Variants in SMOC1 observed in about 807,000 individuals in gnomAD.
SMOC1 encodes SPARC-related modular calcium-binding protein 1.
In SMOC1, 22 loss-of-function variants were observed where a neutral mutation model predicts 56.3. That is an observed-to-expected ratio of 0.39 (90% CI 0.28 to 0.56). SMOC1 has a LOEUF of 0.56. Among genes scored for constraint, SMOC1 ranks in the 20% least tolerant of loss-of-function variants. SMOC1 has a pLI of 0.61. For synonymous variants in SMOC1, 193 were observed against 215.0 expected (o/e 0.90, Z 0.89); for missense variants, 509 against 565.4 (o/e 0.90, Z 1.01).
intron 5 of SMOC1, among the ~76,000 whole-genome samples, chr14:69,986,991 C>T (rs1462264975): frequency 7.2e-5 from 11 of 152,210 alleles, no homozygotes; most frequent in African/African-American, 2.4e-4. Context: ...TTGAGGTGGC[C>T]TAGCATTCCA....
intron 5 of SMOC1, among the ~76,000 whole-genome samples, chr14:69,980,215 T>C (rs544813494): frequency 1.3e-5 from 2 of 152,280 alleles, no homozygotes; most frequent in Middle Eastern, 3.4e-3. Context: ...GCCTGGTTCC[T>C]CCAGGGGCGA....
intron 1 of SMOC1, among the ~76,000 whole-genome samples, chr14:69,920,445 G>A (rs1026248911): frequency 6.6e-6 from 1 of 152,170 alleles, no homozygotes; most frequent in African/African-American, 2.4e-5. Context: ...GAACTAGGAC[G>A]TAGAATCATA....
At position 69,962,512 on chromosome 14, in the gene SMOC1, T is replaced by C. The variant is rs376202090; in HGVS notation, c.378+8980T>C. Among the ~76,000 whole-genome samples, 4 of 152,104 alleles carry C rather than the reference T, an allele frequency of 2.6e-5. No individual in the cohort carries two copies. In the East Asian group the frequency reaches 5.8e-4, roughly 22 times the overall value. ...TTCACAAATATTTTCTCCCATCCTG[T>C]GGGTTCTTTTTACGTTCTCAATAAT... On this transcript the variant is annotated intron_variant, in intron 3 of 11. Coordinates refer to ENST00000361956, the MANE Select transcript of SMOC1 (RefSeq NM_001034852.3).
At position 70,010,935 on chromosome 14, in the gene SMOC1, G is replaced by T. The variant is rs760789274; in HGVS notation, c.846G>T (p.Gly282=). 16 of 1,612,522 alleles carry T rather than the reference G, an allele frequency of 9.9e-6. No homozygotes were observed. Among genetic ancestry groups the T allele is most frequent in the Non-Finnish European group, 1.4e-5 (16 of 1,180,002 alleles). ...VLVDTGRPLP[G]TSTRYVMPSC... Reference sequence around the variant, plus strand: ...TGGACACAGGGCGCCCGCTGCCTGGGACCTCCACACGGTAAGCCCCCCAGA... The same window carrying T: ...TGGACACAGGGCGCCCGCTGCCTGGTACCTCCACACGGTAAGCCCCCCAGA... Residue 282 remains glycine (G), a synonymous_variant, in exon 8 of 12, where the codon GGG becomes GGT. Transcript: ENST00000361956.
intron 1 of SMOC1, among the ~76,000 whole-genome samples, chr14:69,923,030 C>T (rs1299652265): frequency 4.6e-5 from 7 of 151,718 alleles, no homozygotes; most frequent in Admixed American, 1.3e-4. Flanking sequence ...CTGCAAGCTC[C>T]GCCTCCCAGG....
chr14:69,906,683 T>C (rs567704885), intron 1 of SMOC1, among the ~76,000 whole-genome samples: 1 of 152,120 alleles, frequency 6.6e-6, no homozygotes, highest in Non-Finnish European at 1.5e-5. Context: ...TCAAGAGAAG[T>C]TGGAAGCCAA....
chr14:69,889,660 C>T (rs879428134), intron 1 of SMOC1, among the ~76,000 whole-genome samples: 1 of 152,216 alleles, frequency 6.6e-6, no homozygotes, highest in Non-Finnish European at 1.5e-5. Context: ...TGAACACAAA[C>T]TTAGTGACTT....
At chr14:69,951,775 C>T (rs1883002198) in intron 1 of SMOC1, among the ~76,000 whole-genome samples, 1 of 152,208 alleles carries the variant, frequency 6.6e-6, no homozygotes, top group Non-Finnish European at 1.5e-5. Context: ...CTAATTCAGC[C>T]TCCACTGCTT....
chr14:70,019,336 A>T (rs146392876), intron 10 of SMOC1, among the ~76,000 whole-genome samples: 2 of 152,216 alleles, frequency 1.3e-5, no homozygotes, highest in Non-Finnish European at 2.9e-5. Flanking sequence ...ATCTGGTATC[A>T]TTTGGGTGTG....
intron 3 of SMOC1, among the ~76,000 whole-genome samples, chr14:69,973,435 C>T (rs918725987): frequency 3.3e-5 from 5 of 152,190 alleles, no homozygotes; most frequent in African/African-American, 7.2e-5. Context: ...TTCAAATCCA[C>T]GTCTATCTGG....
chr14:69,970,521 T>C (rs183339890), intron 3 of SMOC1, among the ~76,000 whole-genome samples: 432 of 152,318 alleles, frequency 2.8e-3, no homozygotes, highest in African/African-American at 9.5e-3. Flanking sequence ...TCTGTACCTC[T>C]CCTATAAAAG....
intron 7 of SMOC1, among the ~76,000 whole-genome samples, chr14:70,002,949 TC>T (rs1402262046): frequency 6.6e-6 from 1 of 152,152 alleles, no homozygotes; most frequent in Non-Finnish European, 1.5e-5. Context: ...CCTGGTCCTA[TC>T]TTTCTCTCTT....
intron 1 of SMOC1, among the ~76,000 whole-genome samples, chr14:69,942,809 G>C (rs188439547): frequency 6.6e-6 from 1 of 152,216 alleles, no homozygotes; most frequent in Non-Finnish European, 1.5e-5. Context: ...TGGGGCTGCA[G>C]ACAGACTCTG....
chr14:70,025,543 A>G, intron 11 of SMOC1, among the ~76,000 whole-genome samples: 1 of 152,186 alleles, frequency 6.6e-6, no homozygotes, highest in South Asian at 2.1e-4. Context: ...TCAATGGTTC[A>G]AACCCTGCCT....
chr14:69,994,508 G>A (rs1884696375), intron 7 of SMOC1, 28 bp downstream of exon 7: 3 of 1,560,012 alleles, frequency 1.9e-6, no homozygotes, highest in African/African-American at 1.4e-5. Flanking sequence ...GATTATATAT[G>A]TACCCAGTCC....
At chr14:69,990,575 C>T (rs1252502280) in intron 5 of SMOC1, among the ~76,000 whole-genome samples, 1 of 152,170 alleles carries the variant, frequency 6.6e-6, no homozygotes, top group Non-Finnish European at 1.5e-5. Context: ...AATTCAGTGG[C>T]TCATTGAATT....
intron 1 of SMOC1, among the ~76,000 whole-genome samples, chr14:69,893,739 A>G (rs562139303): frequency 3.3e-5 from 5 of 152,306 alleles, no homozygotes; most frequent in South Asian, 2.1e-4. Context: ...CAGAGGTAAG[A>G]CAGGTGCCAT....
rs754078024 is a variant in SMOC1, at chr14:69,922,123, AAGT to A, written c.100-30012_100-30010del. Among the ~76,000 whole-genome samples the A allele has an allele frequency of 2.6e-5, 4 of 152,340 alleles. No homozygotes were observed. The East Asian group carries it at 7.7e-4, about 29-fold the overall frequency. ...GTCATGATACAGAGCTCGGGCTTCA[AAGT>A]AGGACTGCCTGGGTTTTGGCTGTGC... On this transcript the variant is annotated intron_variant, in intron 1 of 11. Transcript: ENST00000361956.
intron 3 of SMOC1, among the ~76,000 whole-genome samples, chr14:69,962,804 T>C (rs1173169508): frequency 6.6e-6 from 1 of 151,890 alleles, no homozygotes; most frequent in Non-Finnish European, 1.5e-5. Flanking sequence ...CTTGAACTCC[T>C]GAGCTCAAGC....
Sources: allele counts gnomAD v4.1 joint callset (sites outside exome capture counted in the v4.1 genomes callset), GRCh38; gene constraint gnomAD v4.1.1; transcripts MANE v1.5; gene names NCBI Gene and HGNC (gene_info 2026-07-23, HGNC 2026-07-21).